KCTD3: variants seen among roughly 807,000 people sequenced by gnomAD.
The protein encoded by KCTD3 is BTB/POZ domain-containing protein KCTD3.
KCTD3 carries 41 observed loss-of-function variants against 85.8 expected under a neutral mutation model. The ratio of observed to expected loss-of-function variants is 0.48; its 90% CI spans 0.37 to 0.62. KCTD3 has a LOEUF of 0.62. Among genes scored for constraint, KCTD3 ranks in the 20% least tolerant of loss-of-function variants. KCTD3 has a pLI of 0.00. For missense variants in KCTD3, 724 were observed against 989.9 expected (o/e 0.73, Z 3.60); for synonymous variants, 338 against 345.4 (o/e 0.98, Z 0.24).
rs1363714629 is a variant in KCTD3 at position 215,621,307 on chromosome 1, T to C, written c.*689T>C. ...TGAAACTTTCAAGTTGGAGCAATTGTCTGTGTTTGAAAAGATGAAATAAAA... is the reference window on the plus strand; with the variant it reads ...TGAAACTTTCAAGTTGGAGCAATTGCCTGTGTTTGAAAAGATGAAATAAAA... On this transcript the variant is annotated 3_prime_UTR_variant, in exon 18 of 18. Coordinates refer to ENST00000259154, the MANE Select transcript of KCTD3 (RefSeq NM_016121.5). 1 of 152,308 alleles carries C rather than the reference T, an allele frequency of 6.6e-6. No individual in the cohort carries two copies. The highest frequency in any genetic ancestry group is 1.5e-5 in the Non-Finnish European group (1 of 67,988). 9.4% of individuals were successfully genotyped at this position (152,308 alleles called of 1,614,324 possible).
Position 215,577,660 on chromosome 1 carries a change from T to A in KCTD3, c.258-10T>A. On this transcript the variant is annotated splice_polypyrimidine_tract_variant and intron_variant, in intron 4 of 17. Coordinates refer to ENST00000259154, the MANE Select transcript of KCTD3 (RefSeq NM_016121.5). ...GTGTTAGAGAATTTACATCATTTGTTTCTTTGTAGGGGAGTGAGTATTAAT... is the reference window on the plus strand; with the variant it reads ...GTGTTAGAGAATTTACATCATTTGTATCTTTGTAGGGGAGTGAGTATTAAT... The A allele has an allele frequency of 6.4e-7, 1 of 1,572,450 alleles. No homozygotes were observed. The highest frequency in any genetic ancestry group is 8.8e-7 in the Non-Finnish European group (1 of 1,142,368).
In KCTD3 at chr1:215,618,944, T is replaced by A. The variant is rs2102610676; in HGVS notation, c.1621T>A (p.Cys541Ser). ...TTISSFTVRE[C>S]EGSSRMGSRP... ...AATATCCTCATTTACAGTGAGGGAATGTGAGGGATCCAGTAGGATGGGCTC... is the reference window on the plus strand; with the variant it reads ...AATATCCTCATTTACAGTGAGGGAAAGTGAGGGATCCAGTAGGATGGGCTC... The change falls in exon 16 of 18, where the codon TGT (cysteine) becomes AGT (serine). Residue 541 changes from cysteine (C) to serine (S), a missense_variant. Transcript: ENST00000259154. The A allele has an allele frequency of 6.2e-7, 1 of 1,613,660 alleles. No individual in the cohort carries two copies. Among genetic ancestry groups the A allele is most frequent in the South Asian group, 1.1e-5 (1 of 90,954 alleles).
At chr1:215,567,861 G>A in intron 1 of KCTD3, 93 bp downstream of exon 1, 1 of 889,180 alleles carries the variant, frequency 1.1e-6, no homozygotes, top group Non-Finnish European at 1.5e-6. Flanking sequence ...GAACGAGGGC[G>A]AGCGTGGGAG....
chr1:215,597,194 TATAAAA>T (rs1401852294), intron 10 of KCTD3, among the ~76,000 whole-genome samples: 3 of 151,350 alleles, frequency 2.0e-5, no homozygotes, highest in Non-Finnish European at 2.9e-5. Flanking sequence ...ATGAAAATGT[TATAAAA>T]GCGTTGACTC....
intron 14 of KCTD3, among the ~76,000 whole-genome samples, chr1:215,608,446 TTTTA>T (rs1421980483): frequency 2.0e-5 from 3 of 151,970 alleles, no homozygotes; most frequent in East Asian, 1.9e-4. Context: ...TGTTAACTAC[TTTTA>T]TTTATTATTA....
chr1:215,607,385 C>G (rs1279116803), intron 13 of KCTD3, among the ~76,000 whole-genome samples: 1 of 151,858 alleles, frequency 6.6e-6, no homozygotes, highest in Non-Finnish European at 1.5e-5. Context: ...AAAAAAAGTA[C>G]AGCTAGACGA....
intron 10 of KCTD3, among the ~76,000 whole-genome samples, chr1:215,596,559 A>G (rs1660423692): frequency 6.6e-6 from 1 of 152,186 alleles, no homozygotes; most frequent in South Asian, 2.1e-4. Flanking sequence ...TGATGGAGAA[A>G]TGACATTAAT....
intron 3 of KCTD3, among the ~76,000 whole-genome samples, chr1:215,574,892 C>A (rs7545425): frequency 0.033 from 5,018 of 152,138 alleles, 202 homozygotes; most frequent in African/African-American, 0.093. Context: ...AAAGATGTTC[C>A]GTTTTTATGG....
intron 10 of KCTD3, 60 bp downstream of exon 10, chr1:215,595,531 T>G: frequency 1.3e-6 from 1 of 775,920 alleles, no homozygotes; most frequent in South Asian, 2.1e-5. Flanking sequence ...TGATTATGTA[T>G]TTTTTTTTTC....
At chr1:215,595,564 T>C (rs919501132) in intron 10 of KCTD3, 93 bp downstream of exon 10, 3 of 767,540 alleles carry the variant, frequency 3.9e-6, no homozygotes, top group Non-Finnish European at 6.4e-6. Flanking sequence ...GTACTGTTTC[T>C]GGTTTTGGTT....
chr1:215,574,364 G>T (rs778951815), intron 3 of KCTD3, among the ~76,000 whole-genome samples: 2 of 152,036 alleles, frequency 1.3e-5, no homozygotes, highest in African/African-American at 2.4e-5. Flanking sequence ...GCTTACATTG[G>T]CATTAGAAGA....
At chr1:215,614,050 A>G (rs1417314859) in intron 15 of KCTD3, among the ~76,000 whole-genome samples, 1 of 103,240 alleles carries the variant, frequency 9.7e-6, no homozygotes, top group African/African-American at 4.3e-5. Context: ...TTTTTTTTTA[A>G]GAGACAGAGT....
At chr1:215,608,466 A>G (rs1655114785) in intron 14 of KCTD3, among the ~76,000 whole-genome samples, 2 of 151,948 alleles carry the variant, frequency 1.3e-5, no homozygotes, top group Admixed American at 1.3e-4. Flanking sequence ...TATTAAAACT[A>G]TGATAACTGT....
intron 8 of KCTD3, 60 bp from the exon 9 acceptor site, chr1:215,586,435 T>C: frequency 7.5e-7 from 1 of 1,340,496 alleles, no homozygotes; most frequent in Non-Finnish European, 1.0e-6. Flanking sequence ...TGCATTGATG[T>C]GTATTCCGTT....
intron 10 of KCTD3, among the ~76,000 whole-genome samples, chr1:215,599,930 AGAATCTCATGGCCTTATCT>A (rs1253933079): frequency 4.7e-4 from 72 of 152,000 alleles, no homozygotes; most frequent in African/African-American, 1.7e-3. Flanking sequence ...CAAAGGGAGA[AGAATCTCATGGCCTTATCT>A]GTCCCCATTT....
chr1:215,573,690 T>A, intron 1 of KCTD3, 96 bp from the exon 2 acceptor site: 1 of 705,338 alleles, frequency 1.4e-6, no homozygotes, highest in Non-Finnish European at 2.5e-6. Flanking sequence ...ATAAAACATC[T>A]TGTAAATCAT....
chr1:215,568,537 A>G (rs960359401), intron 1 of KCTD3, among the ~76,000 whole-genome samples: 1 of 121,156 alleles, frequency 8.3e-6, no homozygotes, highest in Non-Finnish European at 1.6e-5. Context: ...TGTTGGGGGA[A>G]AAAATCGTAG....
chr1:215,576,611 G>A (rs1311040621), intron 4 of KCTD3, among the ~76,000 whole-genome samples: 2 of 144,944 alleles, frequency 1.4e-5, no homozygotes, highest in Admixed American at 1.4e-4. Context: ...TTTTTTTTTT[G>A]AGACTGAGTC....
intron 1 of KCTD3, among the ~76,000 whole-genome samples, chr1:215,570,495 C>A (rs959922954): frequency 6.6e-6 from 1 of 152,150 alleles, no homozygotes; most frequent in African/African-American, 2.4e-5. Flanking sequence ...ATTGAGGACT[C>A]CTGGACAAAG....
Sources: gnomAD v4.1 joint callset for allele counts (sites outside exome capture counted in the v4.1 genomes callset) on GRCh38, gnomAD v4.1.1 for gene constraint, MANE v1.5 for transcripts, NCBI Gene and HGNC (gene_info 2026-07-23, HGNC 2026-07-21) for gene names.